MSRA: variants seen among roughly 807,000 people sequenced by gnomAD.
MSRA encodes methionine sulfoxide reductase A, also known as mitochondrial peptide methionine sulfoxide reductase.
MSRA carries 54 observed loss-of-function variants against 31.3 expected under a neutral mutation model. The ratio of observed to expected loss-of-function variants is 1.73; its 90% CI spans 1.39 to 2.17. The LOEUF is 2.17. MSRA is among the 30% of genes most tolerant of loss of function. The pLI, the probability that MSRA is intolerant of heterozygous loss-of-function variation, is 0.00. For synonymous variants in MSRA, 169 were observed against 116.5 expected, an observed-to-expected ratio of 1.45 and a Z score of -2.90; for missense variants, 507 against 300.9, an observed-to-expected ratio of 1.69 and a Z score of -5.07.
At chr8:10,303,971 C>G (rs932989500) in intron 4 of MSRA, among the ~76,000 whole-genome samples, 1 of 151,896 alleles carries the variant, frequency 6.6e-6, no homozygotes. Flanking sequence ...AGTCTTAATC[C>G]TTTGCTCAAG....
rs2128933358 is a variant in MSRA at position 10,101,236 on chromosome 8, C to T, written c.142+46578C>T. Among the ~76,000 whole-genome samples, 3 of 152,194 alleles carry T rather than the reference C, an allele frequency of 2.0e-5. No individual in the cohort carries two copies. The South Asian group carries it at 6.2e-4, about 32-fold the overall frequency. On this transcript the variant is annotated intron_variant, in intron 1 of 5. Coordinates refer to ENST00000317173, the MANE Select transcript of MSRA (RefSeq NM_012331.5). ...TGCAGAACAGGGATCATGGTATTTCCCTCACACGATTTTGGGAGGAGAAAT... is the reference window on the plus strand; with the variant it reads ...TGCAGAACAGGGATCATGGTATTTCTCTCACACGATTTTGGGAGGAGAAAT...
chr8:10,170,267 C>G (rs1334205344), intron 1 of MSRA, among the ~76,000 whole-genome samples: 1 of 152,056 alleles, frequency 6.6e-6, no homozygotes, highest in Non-Finnish European at 1.5e-5. Context: ...GTGATGATAT[C>G]AGGAAGTGGG....
intron 1 of MSRA, among the ~76,000 whole-genome samples, chr8:10,146,424 G>A (rs1803151919): frequency 1.3e-5 from 2 of 152,220 alleles, no homozygotes; most frequent in South Asian, 2.1e-4. Flanking sequence ...CTCTCCCTGG[G>A]ATGCTCTTGC....
At chr8:10,257,213 T>C (rs1028999119) in intron 3 of MSRA, among the ~76,000 whole-genome samples, 5 of 151,970 alleles carry the variant, frequency 3.3e-5, no homozygotes, top group African/African-American at 1.2e-4. Flanking sequence ...TCAAGTGACT[T>C]GAGAGGATCC....
At chr8:10,244,881 C>T (rs1205610075) in intron 2 of MSRA, among the ~76,000 whole-genome samples, 1 of 152,064 alleles carries the variant, frequency 6.6e-6, no homozygotes, top group Non-Finnish European at 1.5e-5. Context: ...AGTTTTTGCA[C>T]AGCTAAAGCA....
chr8:10,355,295 G>A (rs1041055017), intron 5 of MSRA, among the ~76,000 whole-genome samples: 1 of 152,186 alleles, frequency 6.6e-6, no homozygotes, highest in Non-Finnish European at 1.5e-5. Flanking sequence ...TGAATGGAGA[G>A]GAAATAGGAG....
intron 2 of MSRA, among the ~76,000 whole-genome samples, chr8:10,223,670 G>A (rs1810724630): frequency 6.6e-6 from 1 of 152,160 alleles, no homozygotes; most frequent in Non-Finnish European, 1.5e-5. Flanking sequence ...AGCCCAGACA[G>A]ATACTGGGAC....
In MSRA at chr8:10,308,312, C is replaced by T. The variant is rs147815075; in HGVS notation, c.436+6674C>T. Among the ~76,000 whole-genome samples the T allele has an allele frequency of 2.6e-4, 39 of 152,302 alleles. No individual in the cohort carries two copies. The East Asian group carries it at 5.8e-3, about 23-fold the overall frequency. Reference sequence around the variant, plus strand: ...AATTGCAGTGTTCCCTTAATTAAAACGTCTTTAATCAAACCTGTTGTTAAG... The same window carrying T: ...AATTGCAGTGTTCCCTTAATTAAAATGTCTTTAATCAAACCTGTTGTTAAG... On this transcript the variant is annotated intron_variant, in intron 4 of 5. Coordinates refer to ENST00000317173, the MANE Select transcript of MSRA (RefSeq NM_012331.5).
chr8:10,217,418 C>T (rs1200471230), intron 2 of MSRA, among the ~76,000 whole-genome samples: 3 of 152,224 alleles, frequency 2.0e-5, no homozygotes, highest in African/African-American at 7.2e-5. Flanking sequence ...TGGTTTAACC[C>T]AGAAGTTAAT....
chr8:10,070,677 A>G (rs906199723), intron 1 of MSRA, among the ~76,000 whole-genome samples: 1 of 152,158 alleles, frequency 6.6e-6, no homozygotes, highest in African/African-American at 2.4e-5. Context: ...CCCATGTGCA[A>G]CCTCTGGCGA....
chr8:10,279,379 G>C (rs1282572360), intron 3 of MSRA, among the ~76,000 whole-genome samples: 2 of 152,168 alleles, frequency 1.3e-5, no homozygotes, highest in Non-Finnish European at 2.9e-5. Context: ...TAAGAAATCA[G>C]CAATATCAAA....
chr8:10,265,480 G>A (rs185537335), intron 3 of MSRA, among the ~76,000 whole-genome samples: 203 of 152,202 alleles, frequency 1.3e-3, no homozygotes, highest in African/African-American at 4.6e-3. Flanking sequence ...CTTCTCCCAG[G>A]GTAGGAAATA....
At chr8:10,194,740 G>T (rs751839016) in intron 1 of MSRA, among the ~76,000 whole-genome samples, 1 of 152,098 alleles carries the variant, frequency 6.6e-6, no homozygotes, top group Non-Finnish European at 1.5e-5. Context: ...TTTGTCCTGG[G>T]ACTGGATGCA....
intron 3 of MSRA, among the ~76,000 whole-genome samples, chr8:10,289,062 C>A (rs766158452): frequency 6.6e-6 from 1 of 151,626 alleles, no homozygotes; most frequent in Admixed American, 6.6e-5. Flanking sequence ...TGTCGCCAGG[C>A]TGGAGTGCAG....
chr8:10,285,253 C>T (rs540466772), intron 3 of MSRA, among the ~76,000 whole-genome samples: 15 of 152,256 alleles, frequency 9.9e-5, no homozygotes, highest in East Asian at 1.9e-4. Flanking sequence ...CCCAATCTTA[C>T]GGAGTAGTCT....
intron 5 of MSRA, among the ~76,000 whole-genome samples, chr8:10,382,542 C>T (rs1806135463): frequency 6.6e-6 from 1 of 152,194 alleles, no homozygotes; most frequent in Admixed American, 6.5e-5. Flanking sequence ...ACCTGCCTCT[C>T]ATTTGGAGAC....
At chr8:10,324,191 G>T (rs1802227381) in intron 5 of MSRA, among the ~76,000 whole-genome samples, 1 of 152,166 alleles carries the variant, frequency 6.6e-6, no homozygotes, top group Admixed American at 6.5e-5. Flanking sequence ...TGGCTCACTG[G>T]CTCAGTTCCT....
intron 3 of MSRA, among the ~76,000 whole-genome samples, chr8:10,254,365 T>C (rs1244068960): frequency 1.3e-5 from 2 of 152,198 alleles, no homozygotes; most frequent in East Asian, 1.9e-4. Flanking sequence ...CTTCTTTCCT[T>C]GAGTTAAGGA....
At chr8:10,154,057 T>C (rs1025740782) in intron 1 of MSRA, among the ~76,000 whole-genome samples, 2 of 152,224 alleles carry the variant, frequency 1.3e-5, no homozygotes, top group African/African-American at 4.8e-5. Context: ...CCATCATAGA[T>C]AGCAGTGGAG....
Sources: allele counts gnomAD v4.1 joint callset (sites outside exome capture counted in the v4.1 genomes callset), GRCh38; gene constraint gnomAD v4.1.1; transcripts MANE v1.5; gene names NCBI Gene and HGNC (gene_info 2026-07-23, HGNC 2026-07-21).